Variants in GLCCI1 observed in about 807,000 individuals in gnomAD.
GLCCI1 encodes the protein glucocorticoid induced 1.
GLCCI1 carries 24 observed loss-of-function variants against 52.2 expected under a neutral mutation model. The ratio of observed to expected loss-of-function variants is 0.46; its 90% CI spans 0.33 to 0.65. GLCCI1 has a LOEUF of 0.65. Among genes scored for constraint, GLCCI1 ranks in the 30% least tolerant of loss-of-function variants. The probability of loss-of-function intolerance (pLI) is 0.02; values close to 1 mark genes in which losing one functional copy is unlikely to be tolerated. For missense variants in GLCCI1, 704 were observed against 701.5 expected, an observed-to-expected ratio of 1.00 and a Z score of -0.04; for synonymous variants, 310 against 276.5, an observed-to-expected ratio of 1.12 and a Z score of -1.20.
At chr7:7,995,011 G>A (rs888703062) in intron 1 of GLCCI1, among the ~76,000 whole-genome samples, 2 of 152,172 alleles carry the variant, frequency 1.3e-5, no homozygotes, top group African/African-American at 4.8e-5. Flanking sequence ...GCATGTGAGT[G>A]TATGTGTTTG....
At chr7:8,079,523 G>A (rs1453327882) in intron 6 of GLCCI1, among the ~76,000 whole-genome samples, 1 of 151,494 alleles carries the variant, frequency 6.6e-6, no homozygotes, top group African/African-American at 2.5e-5. Flanking sequence ...CAGATTAAAA[G>A]TGAGTTGTTT....
At position 7,976,863 on chromosome 7, in the gene GLCCI1, A is replaced by T. The variant is rs1484670801; in HGVS notation, c.457+7056A>T. Among the ~76,000 whole-genome samples the T allele has an allele frequency of 2.0e-5, 3 of 151,794 alleles. No individual in the cohort carries two copies. In the East Asian group the frequency reaches 5.8e-4, roughly 30 times the overall value. On this transcript the variant is annotated intron_variant, in intron 1 of 7. Transcript: ENST00000223145. ...CTTGAGCCCAGGCGGCAGAGGTTAC[A>T]GTGAGCTGAAATCACCCTACTGCAC...
Position 7,969,705 on chromosome 7 carries a change from G to C in GLCCI1, c.355G>C (p.Glu119Gln). 1 of 1,296,054 alleles carries C rather than the reference G, an allele frequency of 7.7e-7. No homozygotes were observed. The highest frequency in any genetic ancestry group is 9.8e-7 in the Non-Finnish European group (1 of 1,015,660). The allele number at this position is 1,296,054 out of a possible 1,614,324, so 80.3% of individuals were successfully genotyped here. A position where few individuals can be genotyped will look rare whatever the true frequency, so the allele number is the denominator to read the frequency against. Residue 119 changes from glutamate (E) to glutamine (Q), a missense_variant, in exon 1 of 8, where the codon GAG becomes CAG. This residue lies in a region of GLCCI1 where 547 missense variants were observed against 524.8 expected (regional missense o/e 1.04). Transcript: ENST00000223145. This position sits in a 1 kb window ranked among gnomAD's most constrained non-coding sequence, Gnocchi z 4.9. ...PTPPAAAAPA[E>Q]QAPRAKGRPR... The stretch of plus-strand genomic sequence containing the variant: ...GCCGCCGGCGGCCGCAGCCCCGGCC[G>C]AGCAGGCGCCGCGGGCCAAGGGCCG...
intron 2 of GLCCI1, among the ~76,000 whole-genome samples, chr7:8,005,898 A>G (rs1029919246): frequency 6.6e-6 from 1 of 152,000 alleles, no homozygotes; most frequent in Non-Finnish European, 1.5e-5. Context: ...TCCCAGGTTC[A>G]AGTGATTCTC....
intron 5 of GLCCI1, among the ~76,000 whole-genome samples, chr7:8,064,851 G>A (rs565643380): frequency 1.3e-5 from 2 of 152,184 alleles, no homozygotes; most frequent in East Asian, 1.9e-4. Context: ...GGCACTACAA[G>A]CGTGTGCCAC....
At chr7:7,974,773 T>C (rs1167378561) in intron 1 of GLCCI1, among the ~76,000 whole-genome samples, 1 of 152,196 alleles carries the variant, frequency 6.6e-6, no homozygotes, top group Non-Finnish European at 1.5e-5. Context: ...TAGTTCTTCT[T>C]AATTTTAGTT....
Position 8,003,909 on chromosome 7 carries a change from G to T in GLCCI1, c.459G>T (p.Ala153=). The T allele has an allele frequency of 6.2e-7, 1 of 1,606,834 alleles. No individual in the cohort carries two copies. The change falls in exon 2 of 8, where the codon GCG becomes GCT. Residue 153 remains alanine (A), a splice_region_variant and synonymous_variant. Coordinates refer to ENST00000223145, the MANE Select transcript of GLCCI1 (RefSeq NM_138426.4). ...AATCTTTTTTTTCACTTTCTGTAGC[G>T]GACAAGGCAAAATCTCAGCAAGTTC... is the stretch of plus-strand genomic sequence containing the variant. The part of the protein sequence containing the change: ...RRSPGSPVCR[A]DKAKSQQVRT...
At chr7:8,034,213 C>G (rs1445746997) in intron 3 of GLCCI1, among the ~76,000 whole-genome samples, 1 of 152,094 alleles carries the variant, frequency 6.6e-6, no homozygotes, top group Non-Finnish European at 1.5e-5. Flanking sequence ...GTACAAAATA[C>G]CCTTAAGTCC....
At chr7:8,010,887 G>A (rs1171423138) in intron 2 of GLCCI1, among the ~76,000 whole-genome samples, 5 of 151,816 alleles carry the variant, frequency 3.3e-5, no homozygotes, top group Non-Finnish European at 1.5e-5. Flanking sequence ...GATGGATCAT[G>A]GGCATCTCTC....
intron 3 of GLCCI1, among the ~76,000 whole-genome samples, chr7:8,026,317 T>G (rs1006700212): frequency 6.6e-6 from 1 of 151,684 alleles, no homozygotes; most frequent in African/African-American, 2.4e-5. Context: ...TACTAAAAAA[T>G]ATCACAAAGC....
At chr7:7,990,523 A>G (rs1158444838) in intron 1 of GLCCI1, among the ~76,000 whole-genome samples, 2 of 152,110 alleles carry the variant, frequency 1.3e-5, no homozygotes, top group Non-Finnish European at 2.9e-5. Flanking sequence ...GTTGCTCTCA[A>G]TCCTTGGCAA....
intron 5 of GLCCI1, among the ~76,000 whole-genome samples, chr7:8,068,298 C>T (rs188882394): frequency 1.7e-4 from 26 of 152,136 alleles, no homozygotes; most frequent in African/African-American, 5.5e-4. Context: ...TGCAGTGAGC[C>T]GAGATTGTGC....
At chr7:7,978,869 C>T (rs1048270404) in intron 1 of GLCCI1, among the ~76,000 whole-genome samples, 16 of 152,072 alleles carry the variant, frequency 1.1e-4, no homozygotes, top group African/African-American at 3.6e-4. Context: ...AGTGATCTTT[C>T]TATGAAGGTA....
chr7:8,019,595 C>T (rs1433508984), intron 2 of GLCCI1, among the ~76,000 whole-genome samples: 1 of 151,970 alleles, frequency 6.6e-6, no homozygotes, highest in Non-Finnish European at 1.5e-5. Context: ...AGAAATGCAT[C>T]GTTAGGCATT....
intron 5 of GLCCI1, among the ~76,000 whole-genome samples, chr7:8,064,293 A>C (rs1302409015): frequency 6.6e-6 from 1 of 152,170 alleles, no homozygotes; most frequent in African/African-American, 2.4e-5. Flanking sequence ...GGTGTGAGGA[A>C]GGTATCCAGT....
At chr7:8,041,262 C>T (rs543404154) in intron 3 of GLCCI1, among the ~76,000 whole-genome samples, 49 of 152,312 alleles carry the variant, frequency 3.2e-4, no homozygotes, top group African/African-American at 1.2e-3. Flanking sequence ...CCCTAATTCT[C>T]TTCAATTCTG....
At chr7:7,985,224 A>T (rs1023833196) in intron 1 of GLCCI1, among the ~76,000 whole-genome samples, 1 of 152,044 alleles carries the variant, frequency 6.6e-6, no homozygotes, top group African/African-American at 2.4e-5. Flanking sequence ...AAATGTGTGT[A>T]TGTATGTGTA....
Position 8,086,724 on chromosome 7 carries a change from G to C in GLCCI1, c.*186G>C. The C allele has an allele frequency of 1.7e-6, 1 of 579,430 alleles. No individual in the cohort carries two copies. The highest frequency in any genetic ancestry group is 3.0e-6 in the Non-Finnish European group (1 of 331,998). 35.9% of individuals were successfully genotyped at this position (579,430 alleles called of 1,614,324 possible). On this transcript the variant is annotated 3_prime_UTR_variant, in exon 8 of 8. Coordinates refer to ENST00000223145, the MANE Select transcript of GLCCI1 (RefSeq NM_138426.4). The surrounding 1 kb of genome is among the most constrained non-coding windows in gnomAD (Gnocchi z 4.4). ...TATTCAGCAGTTTTTGTGGAAAGCA[G>C]TAATGCTTGCAAAACGTGTGTGTCA...
intron 2 of GLCCI1, 82 bp downstream of exon 2, chr7:8,004,141 A>C (rs569259189): frequency 4.9e-5 from 61 of 1,233,224 alleles, no homozygotes; most frequent in Admixed American, 4.1e-4. Flanking sequence ...AATATAATCA[A>C]ATTTCCCCAA....
Sources: gnomAD v4.1 joint callset for allele counts (sites outside exome capture counted in the v4.1 genomes callset) on GRCh38, gnomAD v4.1.1 for gene constraint, gnomAD v4.1.1 regional missense constraint, Gnocchi (gnomAD v3.1) non-coding constraint, MANE v1.5 for transcripts, NCBI Gene and HGNC (gene_info 2026-07-23, HGNC 2026-07-21) for gene names.